The following GPR89B variants were observed in gnomAD, a reference collection of about 807,000 sequenced individuals.
GPR89B encodes the protein golgi pH regulator B.
In GPR89B, 25 loss-of-function variants were observed where a neutral mutation model predicts 52.4. The ratio of observed to expected loss-of-function variants is 0.48; its 90% confidence interval spans 0.35 to 0.67. GPR89B has a LOEUF of 0.67. Ranked by LOEUF, GPR89B falls within the 30% of genes least tolerant of loss-of-function variation. The pLI is 0.01. For missense variants in GPR89B, 146 were observed against 450.2 expected, an observed-to-expected ratio of 0.32 and a Z score of 6.11; for synonymous variants, 52 against 151.2, an observed-to-expected ratio of 0.34 and a Z score of 4.81.
chr1:147,991,784 C>T (rs2149097615), intron 12 of GPR89B, among the ~76,000 whole-genome samples: 1 of 152,212 alleles, frequency 6.6e-6, no homozygotes, highest in East Asian at 1.9e-4. Flanking sequence ...GCCTTGCATC[C>T]CAGGGATGAA....
intron 12 of GPR89B, among the ~76,000 whole-genome samples, chr1:147,992,029 C>T (rs1387216069): frequency 6.6e-6 from 1 of 151,770 alleles, no homozygotes; most frequent in Non-Finnish European, 1.5e-5. Context: ...GAAGACTTCA[C>T]GGAGGTGGAA....
At chr1:147,988,231 C>A (rs1339961246) in intron 11 of GPR89B, among the ~76,000 whole-genome samples, 1 of 151,852 alleles carries the variant, frequency 6.6e-6, no homozygotes, top group Non-Finnish European at 1.5e-5. Flanking sequence ...ATTAAGTCTG[C>A]TAATTAAGGT....
chr1:147,950,382 C>T (rs1312847471), intron 5 of GPR89B, among the ~76,000 whole-genome samples: 6 of 149,332 alleles, frequency 4.0e-5, no homozygotes, highest in East Asian at 4.0e-4. Flanking sequence ...GGATGGCGGC[C>T]GGGAAGAGGC....
chr1:147,997,094 C>T (rs1659331662), downstream of GPR89B, among the ~76,000 whole-genome samples: 1 of 152,174 alleles, frequency 6.6e-6, no homozygotes, highest in African/African-American at 2.4e-5. Flanking sequence ...CATAATCTCC[C>T]TGTTGGGAAA....
At position 147,986,172 on chromosome 1, in the gene GPR89B, C is replaced by G. The variant is rs1571317780; in HGVS notation, c.910-27C>G. The G allele has an allele frequency of 3.7e-6, 6 of 1,609,416 alleles. No individual in the cohort carries two copies. In the East Asian group the frequency reaches 1.1e-4, roughly 30 times the overall value. On this transcript the variant is annotated intron_variant, in intron 10 of 13. Coordinates refer to ENST00000314163, the MANE Select transcript of GPR89B (RefSeq NM_016334.5). ...AATAGTAAGTGATTGTTAAGATGCT[C>G]CAAGGTAAAAATCTGCATCTTTGCA...
chr1:147,950,049 G>A (rs1655487311), intron 5 of GPR89B, among the ~76,000 whole-genome samples: 1 of 147,650 alleles, frequency 6.8e-6, no homozygotes, highest in Non-Finnish European at 1.5e-5. Context: ...CCTCCCGGAC[G>A]GGGCGGCTGG....
intron 5 of GPR89B, among the ~76,000 whole-genome samples, chr1:147,948,222 A>T (rs1655174237): frequency 6.6e-6 from 1 of 152,136 alleles, no homozygotes; most frequent in Non-Finnish European, 1.5e-5. Flanking sequence ...GACAAGACCA[A>T]AGGAAGACCC....
chr1:147,973,118 C>T lies in GPR89B; in HGVS notation c.909+3159C>T, dbSNP rs1473302383. Among the ~76,000 whole-genome samples the T allele has an allele frequency of 1.7e-4, 26 of 151,960 alleles. 1 individual carries two copies. The highest frequency in any genetic ancestry group is 6.1e-4 in the African/African-American group (25 of 41,278). On this transcript the variant is annotated intron_variant, in intron 10 of 13. Coordinates refer to ENST00000314163, the MANE Select transcript of GPR89B (RefSeq NM_016334.5). ...CTATTGTGAATAGTGCTGCAGTGGG[C>T]GTACATGTGTATGTATCTTTATAAT...
At chr1:147,978,210 T>C (rs1372969986) in intron 10 of GPR89B, among the ~76,000 whole-genome samples, 3 of 151,928 alleles carry the variant, frequency 2.0e-5, no homozygotes, top group Non-Finnish European at 4.4e-5. Context: ...TTGTTGTTGC[T>C]TTCTGTTTGT....
chr1:147,958,692 T>TA (rs1190604900), intron 7 of GPR89B, among the ~76,000 whole-genome samples: 4 of 152,030 alleles, frequency 2.6e-5, no homozygotes, highest in Non-Finnish European at 4.4e-5. Context: ...TACATACTTT[T>TA]AAGCCATTTC....
intron 10 of GPR89B, among the ~76,000 whole-genome samples, chr1:147,970,563 C>CTA (rs1657388984): frequency 7.1e-6 from 1 of 140,910 alleles, no homozygotes; most frequent in African/African-American, 2.7e-5. Context: ...CTATCTCTCT[C>CTA]TCTCTCTATA....
At chr1:147,949,788 G>A (rs1290550439) in intron 5 of GPR89B, among the ~76,000 whole-genome samples, 12 of 144,974 alleles carry the variant, frequency 8.3e-5, no homozygotes, top group Non-Finnish European at 1.4e-4. Context: ...ACGGCTGGCC[G>A]GGCAGGGGGC....
intron 9 of GPR89B, chr1:147,969,579 C>T (rs1165149762): frequency 3.3e-6 from 1 of 299,426 alleles, no homozygotes; most frequent in East Asian, 1.1e-4. Flanking sequence ...TATCGAACCT[C>T]TCAAAGCCTC....
In GPR89B at chr1:147,962,890, C is replaced by T. The variant is rs1159273135; in HGVS notation, c.618-3664C>T. 6.1e-5 allele frequency among the ~76,000 whole-genome samples: 9 copies of T among 146,568 alleles called. No individual in the cohort carries two copies. In the East Asian group the frequency reaches 9.9e-4, roughly 16 times the overall value. ...CAGCCTGGGCAACAGAGCGAGACTC[C>T]GTCTCAAAAAAAAAAAAATTAAAAC... On this transcript the variant is annotated intron_variant, in intron 7 of 13. Transcript: ENST00000314163.
At chr1:148,019,662 G>C in the GPR89B span, among the ~76,000 whole-genome samples, 1 of 152,028 alleles carries the variant, frequency 6.6e-6, no homozygotes, top group Non-Finnish European at 1.5e-5. Context: ...TCTATACCAC[G>C]CTCATTAGAA....
chr1:148,020,980 C>T, the GPR89B span, among the ~76,000 whole-genome samples: 2 of 151,638 alleles, frequency 1.3e-5, no homozygotes. Context: ...GAGCCCGGGC[C>T]CCGGAGAGGA....
intron 10 of GPR89B, among the ~76,000 whole-genome samples, chr1:147,985,927 G>C (rs1485527249): frequency 6.6e-6 from 1 of 151,958 alleles, no homozygotes; most frequent in African/African-American, 2.4e-5. Context: ...TACCTTTTTG[G>C]CTCCTGATAA....
intron 7 of GPR89B, among the ~76,000 whole-genome samples, chr1:147,965,324 C>T (rs1214177084): frequency 1.3e-5 from 2 of 150,860 alleles, no homozygotes; most frequent in Non-Finnish European, 2.9e-5. Context: ...TTGTATTAGT[C>T]CCAGGCATAA....
the GPR89B span, among the ~76,000 whole-genome samples, chr1:148,019,428 G>T: frequency 6.6e-6 from 1 of 151,736 alleles, no homozygotes; most frequent in Non-Finnish European, 1.5e-5. Flanking sequence ...GTTGGAGGGT[G>T]GGGGTTGGGA....
Sources: gnomAD v4.1 joint callset for allele counts (sites outside exome capture counted in the v4.1 genomes callset) on GRCh38, gnomAD v4.1.1 for gene constraint, MANE v1.5 for transcripts, NCBI Gene and HGNC (gene_info 2026-07-23, HGNC 2026-07-21) for gene names.